RNF130: variants seen among roughly 807,000 people sequenced by gnomAD.
RNF130 encodes the protein E3 ubiquitin-protein ligase RNF130.
In RNF130, 21 loss-of-function variants were observed where a neutral mutation model predicts 44.6. The observed-to-expected ratio is 0.47, with a 90% CI of 0.33 to 0.68. The LOEUF (loss-of-function observed/expected upper bound fraction) is 0.68. Ranked by LOEUF, RNF130 falls within the 30% of genes least tolerant of loss-of-function variation. RNF130 has a pLI of 0.02. For missense variants in RNF130, 479 were observed against 560.6 expected (o/e 0.85, Z 1.47); for synonymous variants, 214 against 210.4 (o/e 1.02, Z -0.15).
chr5:179,983,082 G>A (rs540282868), intron 3 of RNF130, among the ~76,000 whole-genome samples: 1 of 152,200 alleles, frequency 6.6e-6, no homozygotes, highest in African/African-American at 2.4e-5. Flanking sequence ...TGACTTTTGA[G>A]AGAACATTAT....
Position 179,977,350 on chromosome 5 carries a change from C to T in RNF130, c.848+853G>A, listed in dbSNP as rs1001514355. 3.9e-5 allele frequency: 6 copies of T among 152,120 alleles called. No homozygotes were observed. Among genetic ancestry groups the T allele is most frequent in the East Asian group, 1.9e-4 (1 of 5,196 alleles). The allele number at this position is 152,120 out of a possible 1,614,324, so 9.4% of individuals were successfully genotyped here. ...TGTTGTACCCAGAGCCAGGTGAGCT[C>T]GATGGAAGTCTCACTGAAGGGCTTG... On this transcript the variant is annotated intron_variant, in intron 5 of 8. Coordinates refer to ENST00000521389, the MANE Select transcript of RNF130 (RefSeq NM_018434.6). This position sits in a 1 kb window ranked among gnomAD's most constrained non-coding sequence, Gnocchi z 4.1.
chr5:179,962,548 CTAAT>C (rs1762356991), intron 8 of RNF130, among the ~76,000 whole-genome samples: 1 of 152,178 alleles, frequency 6.6e-6, no homozygotes, highest in Admixed American at 6.5e-5. Flanking sequence ...GCTTTCATCT[CTAAT>C]TAGTTTTCAT....
At position 179,957,534 on chromosome 5, in the gene RNF130, T is replaced by C. The variant is rs561760418; in HGVS notation, c.1245-1865A>G. ...TTTTTAGGAAACCAAATTTGTCTCC[T>C]TCAACCACATTATTTGGCACTATCC... On this transcript the variant is annotated intron_variant, in intron 8 of 8. Coordinates refer to ENST00000521389, the MANE Select transcript of RNF130 (RefSeq NM_018434.6). Among the ~76,000 whole-genome samples the C allele has an allele frequency of 7.2e-5, 11 of 152,340 alleles. No individual in the cohort carries two copies. The South Asian group carries it at 2.1e-3, about 29-fold the overall frequency.
At position 180,042,535 on chromosome 5, in the gene RNF130, T is replaced by C. The variant is rs1398193332; in HGVS notation, c.248-1888A>G. On this transcript the variant is annotated intron_variant, in intron 1 of 8. Coordinates refer to ENST00000521389, the MANE Select transcript of RNF130 (RefSeq NM_018434.6). Reference sequence around the variant, plus strand: ...AACTTTAAAATCCTGAAACAGATTGTTTACTTTCATCACTATCTGTTTCAC... The same window carrying C: ...AACTTTAAAATCCTGAAACAGATTGCTTACTTTCATCACTATCTGTTTCAC... 3.3e-5 allele frequency among the ~76,000 whole-genome samples: 5 copies of C among 152,322 alleles called. No individual in the cohort carries two copies. In the East Asian group the frequency reaches 9.6e-4, roughly 29 times the overall value.
chr5:179,990,188 G>A (rs1420777708), intron 3 of RNF130, among the ~76,000 whole-genome samples: 1 of 152,148 alleles, frequency 6.6e-6, no homozygotes, highest in Non-Finnish European at 1.5e-5. Flanking sequence ...TGGCTGCACT[G>A]TTATTTATTG....
intron 7 of RNF130, among the ~76,000 whole-genome samples, chr5:179,941,216 G>A (rs1761965754): frequency 2.0e-5 from 3 of 152,166 alleles, no homozygotes; most frequent in Non-Finnish European, 2.9e-5. Context: ...CGTTTGGTTG[G>A]TTTTTAATGG....
At chr5:180,044,726 G>C (rs1435537153) in intron 1 of RNF130, among the ~76,000 whole-genome samples, 1 of 152,076 alleles carries the variant, frequency 6.6e-6, no homozygotes, top group African/African-American at 2.4e-5. Flanking sequence ...CAGCTACTCA[G>C]AAGGCTGAGG....
intron 3 of RNF130, among the ~76,000 whole-genome samples, chr5:179,981,208 C>T (rs1347570581): frequency 1.3e-5 from 2 of 152,084 alleles, no homozygotes; most frequent in Non-Finnish European, 2.9e-5. Context: ...CATCTGCTTT[C>T]CTGTTCAAAT....
At chr5:179,972,307 G>A (rs10064979) in intron 5 of RNF130, among the ~76,000 whole-genome samples, 4,357 of 152,298 alleles carry the variant, frequency 0.029, 213 homozygotes, top group African/African-American at 0.097. Flanking sequence ...GAAAAGTCAC[G>A]GGGACGCAAA....
chr5:180,066,977 T>G (rs1483862077), intron 1 of RNF130, among the ~76,000 whole-genome samples: 1 of 152,204 alleles, frequency 6.6e-6, no homozygotes, highest in African/African-American at 2.4e-5. Flanking sequence ...TACAGTGAGC[T>G]ATGACCACAC....
At chr5:180,067,973 C>G (rs1582237488) in intron 1 of RNF130, among the ~76,000 whole-genome samples, 1 of 152,178 alleles carries the variant, frequency 6.6e-6, no homozygotes, top group East Asian at 1.9e-4. Context: ...CTAAGATTCA[C>G]TTTTTTGAGT....
intron 5 of RNF130, among the ~76,000 whole-genome samples, chr5:179,974,235 C>G (rs974274376): frequency 5.3e-5 from 8 of 152,178 alleles, no homozygotes; most frequent in African/African-American, 1.9e-4. Flanking sequence ...CTGCAGCGGC[C>G]GGCCCCCCGC....
At chr5:180,045,043 C>T (rs540439016) in intron 1 of RNF130, among the ~76,000 whole-genome samples, 1 of 152,172 alleles carries the variant, frequency 6.6e-6, no homozygotes, top group East Asian at 1.9e-4. Flanking sequence ...CGCAAGTTGC[C>T]AGCATAAAAA....
chr5:179,946,679 G>C (rs573532480), intron 7 of RNF130, among the ~76,000 whole-genome samples: 1 of 150,174 alleles, frequency 6.7e-6, no homozygotes, highest in Non-Finnish European at 1.5e-5. Context: ...TCAGCCTCCC[G>C]AGTAGCTGGG....
chr5:180,021,058 C>T (rs1763861380), intron 2 of RNF130, among the ~76,000 whole-genome samples: 1 of 37,622 alleles, frequency 2.7e-5, no homozygotes, highest in South Asian at 1.4e-3. Flanking sequence ...CTCTGCCTCG[C>T]GGGTTCAACT....
intron 2 of RNF130, among the ~76,000 whole-genome samples, chr5:180,035,276 A>G (rs1764224666): frequency 6.6e-6 from 1 of 152,126 alleles, no homozygotes; most frequent in Admixed American, 6.5e-5. Context: ...TGAATTTTTT[A>G]TTGGACCCGT....
chr5:180,041,843 G>A (rs965522513), intron 1 of RNF130, among the ~76,000 whole-genome samples: 3 of 152,212 alleles, frequency 2.0e-5, no homozygotes, highest in Non-Finnish European at 4.4e-5. Context: ...TTGGGAAGCC[G>A]AGGCAGGTAG....
At chr5:179,981,805 T>C (rs547880446) in intron 3 of RNF130, among the ~76,000 whole-genome samples, 2 of 152,362 alleles carry the variant, frequency 1.3e-5, no homozygotes, top group African/African-American at 4.8e-5. Context: ...ACACACTGCG[T>C]GTGGCTGCTC....
intron 8 of RNF130, among the ~76,000 whole-genome samples, chr5:179,955,873 T>C (rs1582138812): frequency 6.6e-6 from 1 of 152,152 alleles, no homozygotes; most frequent in East Asian, 1.9e-4. Flanking sequence ...ATCTTAGAGG[T>C]GCTTTAATAC....
Sources: gnomAD v4.1 joint callset for allele counts (sites outside exome capture counted in the v4.1 genomes callset) on GRCh38, gnomAD v4.1.1 for gene constraint, Gnocchi (gnomAD v3.1) non-coding constraint, MANE v1.5 for transcripts, NCBI Gene and HGNC (gene_info 2026-07-23, HGNC 2026-07-21) for gene names.